CDKAL1: variants seen among roughly 807,000 people sequenced by gnomAD.
The protein encoded by CDKAL1 is threonylcarbamoyladenosine tRNA methylthiotransferase.
In CDKAL1, 32 loss-of-function variants were observed where a neutral mutation model predicts 68.2. The ratio of observed to expected loss-of-function variants is 0.47; its 90% CI spans 0.35 to 0.63. The LOEUF (loss-of-function observed/expected upper bound fraction) is 0.63, where lower values mean the gene tolerates loss of function less well. Among genes scored for constraint, CDKAL1 ranks in the 30% least tolerant of loss-of-function variants. CDKAL1 has a pLI of 0.00. For missense variants in CDKAL1, 606 were observed against 696.7 expected, an observed-to-expected ratio of 0.87 and a Z score of 1.47; for synonymous variants, 234 against 244.3, an observed-to-expected ratio of 0.96 and a Z score of 0.39.
intron 4 of CDKAL1, among the ~76,000 whole-genome samples, chr6:20,648,320 G>A (rs1430673481): frequency 6.6e-6 from 1 of 151,734 alleles, no homozygotes; most frequent in Non-Finnish European, 1.5e-5. Context: ...AGTAGAGACC[G>A]GGTTTCACCA....
At chr6:20,628,260 G>T (rs577708869) in intron 4 of CDKAL1, among the ~76,000 whole-genome samples, 27 of 152,110 alleles carry the variant, frequency 1.8e-4, no homozygotes, top group African/African-American at 6.3e-4. Flanking sequence ...ATGTGTTTGA[G>T]GTAAATCTTG....
At chr6:20,658,296 T>C (rs901085480) in intron 5 of CDKAL1, among the ~76,000 whole-genome samples, 1 of 152,224 alleles carries the variant, frequency 6.6e-6, no homozygotes, top group African/African-American at 2.4e-5. Flanking sequence ...GCCATACTGA[T>C]AGTGGATAGA....
chr6:21,066,302 G>A (rs1771435404), intron 12 of CDKAL1, among the ~76,000 whole-genome samples: 1 of 151,958 alleles, frequency 6.6e-6, no homozygotes, highest in African/African-American at 2.4e-5. Flanking sequence ...GTCTATACAA[G>A]GGTAAGAAAA....
chr6:20,779,594 T>G (rs1048962760), intron 7 of CDKAL1, among the ~76,000 whole-genome samples: 11 of 152,224 alleles, frequency 7.2e-5, no homozygotes, highest in Admixed American at 4.6e-4. Flanking sequence ...TATAAAACTT[T>G]TTTTCTTTGA....
At chr6:21,110,746 C>T (rs1342824941) in intron 13 of CDKAL1, among the ~76,000 whole-genome samples, 6 of 152,004 alleles carry the variant, frequency 3.9e-5, no homozygotes, top group African/African-American at 4.8e-5. Context: ...ATCACTTGAG[C>T]GCAGGAGTTT....
chr6:20,706,630 A>G (rs1317731896), intron 5 of CDKAL1, among the ~76,000 whole-genome samples: 1 of 152,192 alleles, frequency 6.6e-6, no homozygotes, highest in Admixed American at 6.5e-5. Flanking sequence ...CTACACTTAA[A>G]TATATCTGTG....
intron 5 of CDKAL1, among the ~76,000 whole-genome samples, chr6:20,712,875 C>T (rs1413998938): frequency 1.3e-5 from 2 of 151,968 alleles, no homozygotes; most frequent in Admixed American, 6.6e-5. Flanking sequence ...CTCCTGACCT[C>T]GTGATCCACC....
At chr6:20,930,906 G>A (rs551860163) in intron 9 of CDKAL1, among the ~76,000 whole-genome samples, 7 of 152,086 alleles carry the variant, frequency 4.6e-5, no homozygotes, top group African/African-American at 7.2e-5. Flanking sequence ...CACCGCGCCC[G>A]GCTAATTTTT....
chr6:20,904,984 C>T (rs1762171720), intron 9 of CDKAL1, among the ~76,000 whole-genome samples: 2 of 152,224 alleles, frequency 1.3e-5, no homozygotes, highest in Admixed American at 6.5e-5. Context: ...AAGAAAATTT[C>T]ATTTCCAGAA....
intron 8 of CDKAL1, among the ~76,000 whole-genome samples, chr6:20,836,873 GAA>G (rs1433949598): frequency 6.6e-6 from 1 of 152,102 alleles, no homozygotes; most frequent in African/African-American, 2.4e-5. Context: ...GTCCGCGTGG[GAA>G]AGGTTTCTTC....
chr6:21,223,588 A>G (rs1779615155), intron 15 of CDKAL1, among the ~76,000 whole-genome samples: 1 of 148,736 alleles, frequency 6.7e-6, no homozygotes, highest in Non-Finnish European at 1.5e-5. Flanking sequence ...TCTAAACAAC[A>G]TGACTTCCTT....
At chr6:21,181,461 GC>G (rs1777786686) in intron 13 of CDKAL1, among the ~76,000 whole-genome samples, 1 of 152,114 alleles carries the variant, frequency 6.6e-6, no homozygotes. Context: ...TCCCTCTATT[GC>G]CTTCTCTTTG....
intron 6 of CDKAL1, among the ~76,000 whole-genome samples, chr6:20,749,105 T>C (rs539449754): frequency 6.6e-6 from 1 of 152,102 alleles, no homozygotes; most frequent in Non-Finnish European, 1.5e-5. Context: ...CATGCAGTCT[T>C]AATAAGAGTC....
At chr6:21,193,056 T>C (rs1778324321) in intron 13 of CDKAL1, among the ~76,000 whole-genome samples, 1 of 152,076 alleles carries the variant, frequency 6.6e-6, no homozygotes, top group Admixed American at 6.6e-5. Flanking sequence ...TGTCCTCACA[T>C]GATTCTCCCA....
At chr6:20,641,166 C>T (rs2127751481) in intron 4 of CDKAL1, among the ~76,000 whole-genome samples, 1 of 152,228 alleles carries the variant, frequency 6.6e-6, no homozygotes, top group East Asian at 1.9e-4. Flanking sequence ...TATATCAGGT[C>T]ACTGTTTTTC....
chr6:20,872,120 A>T (rs1760252939), intron 9 of CDKAL1, among the ~76,000 whole-genome samples: 1 of 152,192 alleles, frequency 6.6e-6, no homozygotes, highest in Admixed American at 6.5e-5. Flanking sequence ...CACAAAAAAT[A>T]TCATGTTTAA....
chr6:21,006,805 C>T (rs1164545490), intron 11 of CDKAL1, among the ~76,000 whole-genome samples: 2 of 152,260 alleles, frequency 1.3e-5, no homozygotes, highest in Middle Eastern at 3.4e-3. Context: ...TTTCCATTTC[C>T]TTGTAGTCTG....
At chr6:20,772,435 G>A (rs1422389214) in intron 7 of CDKAL1, among the ~76,000 whole-genome samples, 3 of 152,076 alleles carry the variant, frequency 2.0e-5, no homozygotes, top group African/African-American at 4.8e-5. Context: ...CACCACATAA[G>A]TCTACTCCCA....
intron 5 of CDKAL1, among the ~76,000 whole-genome samples, chr6:20,707,223 G>T (rs1411546519): frequency 1.3e-5 from 2 of 152,234 alleles, no homozygotes; most frequent in African/African-American, 4.8e-5. Flanking sequence ...TCTTGTGGCA[G>T]TCTGGCAAGT....
Sources: allele counts gnomAD v4.1 joint callset (sites outside exome capture counted in the v4.1 genomes callset), GRCh38; gene constraint gnomAD v4.1.1; transcripts MANE v1.5; gene names NCBI Gene and HGNC (gene_info 2026-07-23, HGNC 2026-07-21).